SNX7: variants seen among roughly 807,000 people sequenced by gnomAD.
SNX7 encodes the protein sorting nexin 7.
In SNX7, 35 loss-of-function variants were observed where a neutral mutation model predicts 48.4. The ratio of observed to expected loss-of-function variants is 0.72; its 90% CI spans 0.55 to 0.96. The LOEUF (loss-of-function observed/expected upper bound fraction) is 0.96, where lower values mean the gene tolerates loss of function less well. Ranked by LOEUF, SNX7 falls within the 40% of genes least tolerant of loss-of-function variation. The pLI is 0.00. For synonymous variants in SNX7, 190 were observed against 190.2 expected, an observed-to-expected ratio of 1.00 and a Z score of 0.01; for missense variants, 553 against 548.9, an observed-to-expected ratio of 1.01 and a Z score of -0.07.
chr1:98,662,621 T>C, intron 1 of SNX7: 1 of 1,229,042 alleles, frequency 8.1e-7, no homozygotes, highest in Non-Finnish European at 1.1e-6. Context: ...GGGCTAGTGG[T>C]AGACTTTTGG....
intron 7 of SNX7, among the ~76,000 whole-genome samples, chr1:98,703,990 T>G (rs1281573993): frequency 6.6e-6 from 1 of 151,986 alleles, no homozygotes; most frequent in East Asian, 1.9e-4. Context: ...GAAAAGAAGA[T>G]TAATCGGGAT....
intron 2 of SNX7, among the ~76,000 whole-genome samples, chr1:98,685,649 C>G (rs966736036): frequency 6.6e-6 from 1 of 151,980 alleles, no homozygotes; most frequent in Non-Finnish European, 1.5e-5. Flanking sequence ...TATTTTAAGT[C>G]CTTTATTTAA....
chr1:98,745,510 C>A (rs1654267714), intron 8 of SNX7, among the ~76,000 whole-genome samples: 1 of 151,990 alleles, frequency 6.6e-6, no homozygotes, highest in Admixed American at 6.6e-5. Context: ...CAGAAAAGAG[C>A]AGTCTATATC....
chr1:98,744,975 A>C (rs1349008914), intron 8 of SNX7, among the ~76,000 whole-genome samples: 2 of 152,078 alleles, frequency 1.3e-5, no homozygotes, highest in Non-Finnish European at 2.9e-5. Context: ...AATTACCCCC[A>C]GAGAAGGTTT....
chr1:98,754,599 A>G (rs544100412), intron 8 of SNX7, among the ~76,000 whole-genome samples: 2 of 152,186 alleles, frequency 1.3e-5, no homozygotes, highest in East Asian at 3.9e-4. Flanking sequence ...TGTCAAATGT[A>G]TAGGCATAAA....
In SNX7 at chr1:98,661,742, A is replaced by G; in HGVS notation, c.11A>G (p.Glu4Gly). 1.6e-6 allele frequency: 2 copies of G among 1,231,274 alleles called. No homozygotes were observed. The highest frequency in any genetic ancestry group is 2.0e-6 in the Non-Finnish European group (2 of 982,712). The allele number at this position is 1,231,274 out of a possible 1,614,324, so 76.3% of individuals were successfully genotyped here. MEG[E>G]RRASQAPSSG... ...GCGCGCACTCTCGGGATGGAGGGCG[A>G]GCGCCGGGCATCGCAGGCGCCCTCC... is the stretch of plus-strand genomic sequence containing the variant. Residue 4 changes from glutamate (E) to glycine (G), a missense_variant, in exon 1 of 9, where the codon GAG becomes GGG. Physicochemically the swap from Glu to Gly is moderately conservative, Grantham distance 98 (BLOSUM62 -2). Transcript: ENST00000306121.
At chr1:98,749,561 C>T (rs1654482689) in intron 8 of SNX7, among the ~76,000 whole-genome samples, 1 of 151,902 alleles carries the variant, frequency 6.6e-6, no homozygotes, top group South Asian at 2.1e-4. Flanking sequence ...TTAGACTTTT[C>T]CAAAAATGAA....
chr1:98,679,837 G>T (rs143119978), intron 1 of SNX7, among the ~76,000 whole-genome samples: 1 of 152,294 alleles, frequency 6.6e-6, no homozygotes, highest in Non-Finnish European at 1.5e-5. Flanking sequence ...CCATCTGTCT[G>T]CTTTCATGGG....
intron 7 of SNX7, among the ~76,000 whole-genome samples, chr1:98,714,818 A>G (rs1365989046): frequency 6.6e-6 from 1 of 152,208 alleles, no homozygotes; most frequent in Non-Finnish European, 1.5e-5. Flanking sequence ...AACAATGTGT[A>G]GGCCTTGAGT....
chr1:98,724,325 C>T (rs1653056072), intron 7 of SNX7, among the ~76,000 whole-genome samples: 1 of 151,838 alleles, frequency 6.6e-6, no homozygotes, highest in Non-Finnish European at 1.5e-5. Context: ...ACTTTTGTAT[C>T]CACATTTCTG....
intron 8 of SNX7, among the ~76,000 whole-genome samples, chr1:98,755,493 G>T (rs202097574): frequency 5.1e-4 from 1 of 1,970 alleles, no homozygotes; most frequent in East Asian, 0.12. Context: ...CCTCTAGATG[G>T]ATGGCCCTTT....
chr1:98,669,993 A>G (rs185271840), intron 1 of SNX7, among the ~76,000 whole-genome samples: 2 of 152,250 alleles, frequency 1.3e-5, no homozygotes, highest in African/African-American at 4.8e-5. Flanking sequence ...TGAATGACGT[A>G]GCCTCTGACT....
chr1:98,742,755 A>T (rs145637869), intron 8 of SNX7, among the ~76,000 whole-genome samples: 1 of 152,128 alleles, frequency 6.6e-6, no homozygotes, highest in East Asian at 1.9e-4. Flanking sequence ...AAATATAATT[A>T]TAGAAAATAA....
At position 98,661,897 on chromosome 1, in the gene SNX7, G is replaced by A. The variant is rs1210623549; in HGVS notation, c.166G>A (p.Glu56Lys). ...LDLDEDEDDL[E>K]VFSKDASLMD... is the part of the protein sequence containing the mutation. ...TCTGGACGAGGACGAGGACGACCTG[G>A]AGGTGTTCAGCAAGGTGAGGGCGGC... Residue 56 changes from glutamate to lysine, a missense_variant, in exon 1 of 9, where the codon GAG becomes AAG. Physicochemically the swap from Glu to Lys is moderately conservative, Grantham distance 56. Transcript: ENST00000306121. The A allele has an allele frequency of 4.0e-6, 5 of 1,247,510 alleles. No individual in the cohort carries two copies. The highest frequency in any genetic ancestry group is 5.1e-6 in the Non-Finnish European group (5 of 987,638). The allele number at this position is 1,247,510 out of a possible 1,614,324, so 77.3% of individuals were successfully genotyped here.
At chr1:98,668,807 G>A (rs1649681621) in intron 1 of SNX7, among the ~76,000 whole-genome samples, 1 of 152,198 alleles carries the variant, frequency 6.6e-6, no homozygotes, top group Admixed American at 6.5e-5. Flanking sequence ...GAAGTTTCAG[G>A]TTAATTCAGA....
At chr1:98,699,222 T>C (rs1044114226) in intron 6 of SNX7, among the ~76,000 whole-genome samples, 2 of 152,150 alleles carry the variant, frequency 1.3e-5, no homozygotes, top group Non-Finnish European at 2.9e-5. Context: ...ACTTTAAAAT[T>C]TTTTAGTGCT....
At chr1:98,699,322 T>A (rs1427735814) in intron 6 of SNX7, among the ~76,000 whole-genome samples, 1 of 152,202 alleles carries the variant, frequency 6.6e-6, no homozygotes, top group African/African-American at 2.4e-5. Flanking sequence ...GTACTTGAGT[T>A]GGATCTTGAT....
chr1:98,697,154 T>G (rs1356278244), intron 5 of SNX7, among the ~76,000 whole-genome samples: 1 of 152,056 alleles, frequency 6.6e-6, no homozygotes, highest in Non-Finnish European at 1.5e-5. Context: ...GTGGAAAATT[T>G]TCTTTTCCAG....
chr1:98,681,215 C>T (rs532218778), intron 1 of SNX7, among the ~76,000 whole-genome samples: 1 of 152,316 alleles, frequency 6.6e-6, no homozygotes, highest in South Asian at 2.1e-4. Flanking sequence ...GACTTATTCA[C>T]TATCAGGAGA....
Sources: gnomAD v4.1 joint callset for allele counts (sites outside exome capture counted in the v4.1 genomes callset) on GRCh38, gnomAD v4.1.1 for gene constraint, MANE v1.5 for transcripts, NCBI Gene and HGNC (gene_info 2026-07-23, HGNC 2026-07-21) for gene names.